Variants in EPG5 observed in about 807,000 individuals in gnomAD.
The protein encoded by EPG5 is ectopic P-granules 5 autophagy tethering factor, also known as ectopic P granules protein 5 homolog.
Under a neutral mutation model 302.7 loss-of-function variants are expected in EPG5, and 159 were observed. That is an observed-to-expected ratio of 0.53 (90% CI 0.46 to 0.60). The LOEUF is 0.60. EPG5 is among the 20% of genes least tolerant of loss of function. The pLI, the probability that EPG5 is intolerant of heterozygous loss-of-function variation, is 0.00. For missense variants in EPG5, 2,896 were observed against 3,092.4 expected, an observed-to-expected ratio of 0.94 and a Z score of 1.51; for synonymous variants, 1,158 against 1,136.8, an observed-to-expected ratio of 1.02 and a Z score of -0.37.
intron 7 of EPG5, among the ~76,000 whole-genome samples, chr18:45,946,182 T>C (rs2050781443): frequency 1.3e-5 from 2 of 152,250 alleles, no homozygotes; most frequent in Admixed American, 1.3e-4. Flanking sequence ...AACCATCTTC[T>C]ACCTTTCAAA....
chr18:45,828,245 T>C, the EPG5 span, among the ~76,000 whole-genome samples: 2 of 152,274 alleles, frequency 1.3e-5, no homozygotes, highest in East Asian at 3.9e-4. Context: ...GAACAGCCCC[T>C]TGGTGAGAGA....
the EPG5 span, among the ~76,000 whole-genome samples, chr18:45,822,172 G>C: frequency 6.6e-6 from 1 of 152,170 alleles, no homozygotes; most frequent in Non-Finnish European, 1.5e-5. Flanking sequence ...CAGATGAATG[G>C]AGAAAGAATA....
chr18:45,831,190 C>T, the EPG5 span, among the ~76,000 whole-genome samples: 9 of 152,150 alleles, frequency 5.9e-5, no homozygotes, highest in African/African-American at 1.7e-4. Context: ...TGCCTCGGGC[C>T]GTCTCTGTGT....
the EPG5 span, among the ~76,000 whole-genome samples, chr18:45,810,946 G>A: frequency 1.1e-3 from 170 of 152,120 alleles, no homozygotes; most frequent in Non-Finnish European, 2.0e-3. Flanking sequence ...CAGAAAAAGC[G>A]TTTGACAAAA....
intron 22 of EPG5, 68 bp downstream of exon 22, chr18:45,912,222 C>T: frequency 7.3e-7 from 1 of 1,362,106 alleles, no homozygotes. Context: ...AGTCTAAGAA[C>T]ACATAGAATG....
chr18:45,919,033 A>G (rs1217263979), intron 16 of EPG5, among the ~76,000 whole-genome samples: 1 of 152,236 alleles, frequency 6.6e-6, no homozygotes, highest in Non-Finnish European at 1.5e-5. Context: ...CTAAGGATAT[A>G]AAATTATACA....
At chr18:45,934,640 T>C (rs941169056) in intron 11 of EPG5, among the ~76,000 whole-genome samples, 169 bp downstream of exon 11, 1 of 152,270 alleles carries the variant, frequency 6.6e-6, no homozygotes, top group African/African-American at 2.4e-5. Flanking sequence ...CTAGTTGCTA[T>C]TTAATACATC....
At position 45,939,746 on chromosome 18, in the gene EPG5, A is replaced by G; in HGVS notation, c.1953T>C (p.Leu651=). The change falls in exon 10 of 44, where the codon CTT becomes CTC. Residue 651 remains leucine, a synonymous_variant. Transcript: ENST00000282041. ...GTGCCCAATGGTCACTTACATAACC[A>G]AGAGTCATCCTGAGCATGAGGAAAG... ...KRIGYMIRMT[L]GYVSDHWAQY... is the part of the protein sequence containing the mutation. The G allele has an allele frequency of 6.2e-7, 1 of 1,613,596 alleles. No homozygotes were observed. Among genetic ancestry groups the G allele is most frequent in the Non-Finnish European group, 8.5e-7 (1 of 1,179,944 alleles).
intron 5 of EPG5, 84 bp downstream of exon 5, chr18:45,949,400 T>A: frequency 1.3e-6 from 1 of 742,408 alleles, no homozygotes; most frequent in Non-Finnish European, 2.2e-6. Context: ...AAATAGTCCT[T>A]TTTTTTTCAG....
intron 11 of EPG5, among the ~76,000 whole-genome samples, chr18:45,933,296 G>A (rs9946933): frequency 0.19 from 29,083 of 151,962 alleles, 4,352 homozygotes; most frequent in African/African-American, 0.38. Flanking sequence ...TAAGAAGATA[G>A]AAAGAAAAAC....
At chr18:45,901,581 G>C (rs193155964) in intron 25 of EPG5, among the ~76,000 whole-genome samples, 1 of 152,122 alleles carries the variant, frequency 6.6e-6, no homozygotes, top group African/African-American at 2.4e-5. Flanking sequence ...GAATATAGCC[G>C]AGTCAAAAAT....
chr18:45,916,500 C>A lies in EPG5; in HGVS notation c.3322G>T (p.Ala1108Ser). 1 of 1,613,750 alleles carries A rather than the reference C, an allele frequency of 6.2e-7. No individual in the cohort carries two copies. The highest frequency in any genetic ancestry group is 8.5e-7 in the Non-Finnish European group (1 of 1,179,736). ...TGGCTGGCTCCTGTCAGGTGCTGTG[C>A]CACCTTGTGGGTGACCTGTTGTGTG... is the stretch of plus-strand genomic sequence containing the variant. ...GVTQQVTHKVAQHLTGASHGD... is the reference protein window; with the variant it reads ...GVTQQVTHKVSQHLTGASHGD... The change falls in exon 18 of 44, where the codon GCA becomes TCA. Residue 1108 changes from alanine (A) to serine (S), a missense_variant. Around this residue, in one of 5 missense-constraint regions of EPG5, gnomAD observed 1,390 missense variants for 1,430.0 expected, o/e 0.97. Transcript: ENST00000282041.
At chr18:45,903,875 A>G (rs916853299) in intron 25 of EPG5, 98 bp downstream of exon 25, 3 of 1,261,740 alleles carry the variant, frequency 2.4e-6, no homozygotes, top group Non-Finnish European at 3.2e-6. Flanking sequence ...AGGAAAAATG[A>G]ACACTGGGGG....
chr18:45,825,696 G>A, the EPG5 span: 224 of 1,609,158 alleles, frequency 1.4e-4, 1 homozygote, highest in East Asian at 4.1e-3. Context: ...GGCCGAGAGC[G>A]GGTCTGGCCT....
intron 27 of EPG5, among the ~76,000 whole-genome samples, chr18:45,892,450 T>C (rs2049374310): frequency 6.6e-6 from 1 of 152,214 alleles, no homozygotes; most frequent in Admixed American, 6.5e-5. Flanking sequence ...ATTTAAAAGT[T>C]GGACAAAGCA....
chr18:45,915,759 C>T, intron 19 of EPG5, 138 bp from the exon 20 acceptor site: 1 of 748,532 alleles, frequency 1.3e-6, no homozygotes, highest in Admixed American at 2.6e-5. Flanking sequence ...AGTCCACCAG[C>T]AGCAATAGTC....
Position 45,852,652 on chromosome 18 carries a change from A to G in EPG5, c.7558-3T>C, listed in dbSNP as rs1437645458. The G allele has an allele frequency of 6.2e-7, 1 of 1,613,414 alleles. No homozygotes were observed. The highest frequency in any genetic ancestry group is 1.7e-5 in the Admixed American group (1 of 59,948). On this transcript the variant is annotated splice_region_variant and splice_polypyrimidine_tract_variant and intron_variant, in intron 43 of 43. Coordinates refer to ENST00000282041, the MANE Select transcript of EPG5 (RefSeq NM_020964.3). ...ATGGATTCAAGAGCATTCAGAGCCTAAAAGACACGGAAGATGAGAGGGTTA... is the reference window on the plus strand; with the variant it reads ...ATGGATTCAAGAGCATTCAGAGCCTGAAAGACACGGAAGATGAGAGGGTTA...
intron 36 of EPG5, 151 bp downstream of exon 36, chr18:45,870,416 C>G: frequency 1.8e-6 from 1 of 542,782 alleles, no homozygotes. Context: ...CCACAAGACA[C>G]TGTTTTCCAC....
intron 7 of EPG5, among the ~76,000 whole-genome samples, chr18:45,946,279 A>C (rs2050782763): frequency 1.3e-5 from 2 of 152,200 alleles, no homozygotes; most frequent in South Asian, 2.1e-4. Flanking sequence ...TATCATCTGT[A>C]GGTGAGGCTC....
Sources: allele counts gnomAD v4.1 joint callset (sites outside exome capture counted in the v4.1 genomes callset), GRCh38; gene constraint gnomAD v4.1.1; regional missense constraint gnomAD v4.1.1; transcripts MANE v1.5; gene names NCBI Gene and HGNC (gene_info 2026-07-23, HGNC 2026-07-21).